The following HIP1 variants were observed in gnomAD, a reference collection of about 807,000 sequenced individuals.
HIP1 encodes huntingtin interacting protein 1, also known as huntingtin-interacting protein 1.
In HIP1, 65 loss-of-function variants were observed where a neutral mutation model predicts 147.6. The ratio of observed to expected loss-of-function variants is 0.44; its 90% CI spans 0.36 to 0.54. HIP1 has a LOEUF of 0.54. Ranked by LOEUF, HIP1 falls within the 20% of genes least tolerant of loss-of-function variation. HIP1 has a pLI of 0.00. For synonymous variants in HIP1, 479 were observed against 504.0 expected (o/e 0.95, Z 0.67); for missense variants, 1,061 against 1,299.6 (o/e 0.82, Z 2.82).
intron 7 of HIP1, among the ~76,000 whole-genome samples, chr7:75,575,133 GGGCGAC>G (rs1795799398): frequency 1.3e-5 from 2 of 151,626 alleles, no homozygotes; most frequent in Admixed American, 6.6e-5. Context: ...ACTCCAGCCT[GGGCGAC>G]AGAGTGAGAC....
At chr7:75,719,240 C>A (rs1446608088) in intron 1 of HIP1, among the ~76,000 whole-genome samples, 1 of 151,992 alleles carries the variant, frequency 6.6e-6, no homozygotes, top group African/African-American at 2.4e-5. Context: ...CGTGGTGGCT[C>A]ATGCTTATAA....
chr7:75,703,963 G>A (rs1800914990), intron 1 of HIP1, among the ~76,000 whole-genome samples: 1 of 152,148 alleles, frequency 6.6e-6, no homozygotes, highest in South Asian at 2.1e-4. Flanking sequence ...GGAAAAGCCA[G>A]GGCCCCGGGC....
Position 75,537,905 on chromosome 7 carries a change from G to C in HIP1, c.*267C>G. 2.0e-6 allele frequency: 1 copy of C among 509,720 alleles called. No homozygotes were observed. Among genetic ancestry groups the C allele is most frequent in the Non-Finnish European group, 3.6e-6 (1 of 279,736 alleles). The allele number at this position is 509,720 out of a possible 1,614,324, so 31.6% of individuals were successfully genotyped here. On this transcript the variant is annotated 3_prime_UTR_variant, in exon 31 of 31. Coordinates refer to ENST00000336926, the MANE Select transcript of HIP1 (RefSeq NM_005338.7). The stretch of plus-strand genomic sequence containing the variant: ...GCCCTGCCCCCCACCACCCCTCTTC[G>C]TACCTAGGCTTGCTCATGGGCAGCA...
chr7:75,554,371 G>T, intron 20 of HIP1, 69 bp downstream of exon 20: 2 of 1,373,246 alleles, frequency 1.5e-6, no homozygotes, highest in Non-Finnish European at 1.0e-6. Context: ...CACTATCCCC[G>T]CATTCAGGTG....
chr7:75,560,523 G>A (rs1252311461), intron 13 of HIP1, among the ~76,000 whole-genome samples: 1 of 152,032 alleles, frequency 6.6e-6, no homozygotes, highest in Non-Finnish European at 1.5e-5. Context: ...AAGTGCTGGG[G>A]TTACAGGCGT....
chr7:75,668,592 TG>T (rs782553398), intron 1 of HIP1, among the ~76,000 whole-genome samples: 2 of 152,096 alleles, frequency 1.3e-5, no homozygotes, highest in Non-Finnish European at 2.9e-5. Context: ...CCCAAAGTGC[TG>T]GGATTACAGG....
chr7:75,718,159 C>A (rs112247515), intron 1 of HIP1, among the ~76,000 whole-genome samples: 7 of 151,140 alleles, frequency 4.6e-5, no homozygotes, highest in African/African-American at 1.2e-4. Flanking sequence ...TGCAAGGAAG[C>A]CTTATGGTAA....
rs375579340 is a variant in HIP1, at chr7:75,558,109, C to T, written c.1464+58G>A. 2.1e-5 allele frequency: 30 copies of T among 1,431,286 alleles called. No homozygotes were observed. In the Admixed American group the frequency reaches 2.9e-4, roughly 14 times the overall value. 88.7% of individuals were successfully genotyped at this position (1,431,286 alleles called of 1,614,324 possible). ...CCCCGGGGAAGCCACAGGCCTGAGCCGCTCTCTCCCTAGAGGTGCAGGGCC... is the reference window on the plus strand; with the variant it reads ...CCCCGGGGAAGCCACAGGCCTGAGCTGCTCTCTCCCTAGAGGTGCAGGGCC... On this transcript the variant is annotated intron_variant, in intron 15 of 30. Transcript: ENST00000336926.
chr7:75,599,263 G>C lies in HIP1; in HGVS notation c.121-16C>G, dbSNP rs112336408. ...TGCTGACAGTCTGAAAAACAAGAAG[G>C]GGGGAGGGAAAGGAGGATGAGATGA... is the stretch of plus-strand genomic sequence containing the variant. On this transcript the variant is annotated splice_polypyrimidine_tract_variant and intron_variant, in intron 1 of 30. Transcript: ENST00000336926. 4,320 of 1,600,718 alleles carry C rather than the reference G, an allele frequency of 2.7e-3. 60 individuals carry two copies. The highest frequency in any genetic ancestry group is 0.02 in the African/African-American group (1,473 of 74,760).
intron 1 of HIP1, among the ~76,000 whole-genome samples, chr7:75,616,060 TG>T (rs1271572444): frequency 9.2e-6 from 1 of 108,672 alleles, no homozygotes; most frequent in Non-Finnish European, 1.7e-5. Flanking sequence ...CACTCCAGCC[TG>T]GGCGACAGAG....
At chr7:75,693,809 GAGAA>G (rs1204825098) in intron 1 of HIP1, among the ~76,000 whole-genome samples, 2 of 151,728 alleles carry the variant, frequency 1.3e-5, no homozygotes, top group African/African-American at 4.8e-5. Flanking sequence ...GAAAGAGAGA[GAGAA>G]AGAAAGAAAA....
At chr7:75,672,062 TC>T (rs1554515385) in intron 1 of HIP1, among the ~76,000 whole-genome samples, 1 of 152,158 alleles carries the variant, frequency 6.6e-6, no homozygotes, top group East Asian at 1.9e-4. Context: ...ATAGTAGCCA[TC>T]CTAACAGATG....
chr7:75,575,149 C>T (rs1795800031), intron 7 of HIP1, among the ~76,000 whole-genome samples: 1 of 150,466 alleles, frequency 6.6e-6, no homozygotes, highest in South Asian at 2.1e-4. Flanking sequence ...CAGAGTGAGA[C>T]TCTGTTTCAT....
At chr7:75,653,212 G>A (rs781972711) in intron 1 of HIP1, among the ~76,000 whole-genome samples, 80 of 152,178 alleles carry the variant, frequency 5.3e-4, no homozygotes, top group Non-Finnish European at 9.0e-4. Flanking sequence ...CAGGCTGGGG[G>A]TCTGCTCTGG....
Position 75,537,080 on chromosome 7 carries a change from C to T in HIP1, c.*1092G>A, listed in dbSNP as rs1167830. The stretch of plus-strand genomic sequence containing the variant: ...CACTCCGTCTCTGGGCCAAGGGAGA[C>T]GGCCCGCTTGACAGAGACCATTCAC... On this transcript the variant is annotated 3_prime_UTR_variant, in exon 31 of 31. Coordinates refer to ENST00000336926, the MANE Select transcript of HIP1 (RefSeq NM_005338.7). 93,113 of 232,118 alleles carry T rather than the reference C, an allele frequency of 0.4. 23,674 individuals carry two copies. The highest frequency in any genetic ancestry group is 0.78 in the African/African-American group (35,223 of 45,342). 14.4% of individuals were successfully genotyped at this position (232,118 alleles called of 1,614,324 possible).
At chr7:75,557,793 T>C (rs1795073833) in intron 15 of HIP1, 23 bp from the exon 16 acceptor site, 1 of 1,560,808 alleles carries the variant, frequency 6.4e-7, no homozygotes, top group Non-Finnish European at 8.8e-7. Flanking sequence ...AACAGTGTCT[T>C]GAACCAGGAG....
intron 2 of HIP1, among the ~76,000 whole-genome samples, chr7:75,595,283 C>CTTT (rs1554501697): frequency 1.2e-5 from 1 of 83,402 alleles, no homozygotes; most frequent in East Asian, 2.9e-4. Context: ...TTCCTTCCTT[C>CTTT]CTTTCTTTCT....
intron 1 of HIP1, among the ~76,000 whole-genome samples, chr7:75,666,556 G>A (rs1444382976): frequency 6.6e-6 from 1 of 152,192 alleles, no homozygotes; most frequent in Non-Finnish European, 1.5e-5. Flanking sequence ...TGGGTCAATA[G>A]CGACACCGAT....
chr7:75,651,255 C>G lies in HIP1; in HGVS notation c.121-52008G>C, dbSNP rs558656435. On this transcript the variant is annotated intron_variant, in intron 1 of 30. Coordinates refer to ENST00000336926, the MANE Select transcript of HIP1 (RefSeq NM_005338.7). ...CAGGCCGATCACGAGGTCAGGAGTT[C>G]GAGACCAGCCTGGTCAATATGGTGA... Among the ~76,000 whole-genome samples the G allele has an allele frequency of 2.5e-4, 38 of 151,544 alleles. No individual in the cohort carries two copies. The East Asian group carries it at 7.4e-3, about 29-fold the overall frequency.
Sources: allele counts gnomAD v4.1 joint callset (sites outside exome capture counted in the v4.1 genomes callset), GRCh38; gene constraint gnomAD v4.1.1; transcripts MANE v1.5; gene names NCBI Gene and HGNC (gene_info 2026-07-23, HGNC 2026-07-21).